The following TUSC3 variants were observed in gnomAD, a reference collection of about 807,000 sequenced individuals.
The protein encoded by TUSC3 is tumor suppressor candidate 3, also known as dolichyl-diphosphooligosaccharide--protein glycosyltransferase subunit TUSC3.
A neutral mutation model predicts 44.8 loss-of-function variants in TUSC3; 45 were observed. The observed-to-expected ratio is 1.00, with a 90% CI of 0.79 to 1.29. The LOEUF (loss-of-function observed/expected upper bound fraction) is 1.29. TUSC3 is among the 50% of genes most tolerant of loss of function. The pLI is 0.00. For synonymous variants in TUSC3, 212 were observed against 152.9 expected (o/e 1.39, Z -2.85); for missense variants, 519 against 437.9 (o/e 1.19, Z -1.65).
At chr8:15,609,727 A>G (rs1804682561) in intron 1 of TUSC3, among the ~76,000 whole-genome samples, 1 of 151,770 alleles carries the variant, frequency 6.6e-6, no homozygotes, top group African/African-American at 2.4e-5. Context: ...TTTTAGTGAA[A>G]AATTGTCAGG....
intron 2 of TUSC3, among the ~76,000 whole-genome samples, chr8:15,491,002 G>T (rs1800800976): frequency 6.6e-6 from 1 of 152,196 alleles, no homozygotes; most frequent in Admixed American, 6.6e-5. Flanking sequence ...GAAAAGAGAG[G>T]ACATACGGTT....
intron 1 of TUSC3, among the ~76,000 whole-genome samples, chr8:15,604,839 C>A (rs62504259): frequency 0.13 from 19,650 of 151,746 alleles, 1,642 homozygotes; most frequent in Non-Finnish European, 0.19. Context: ...AGAGAATCTC[C>A]AAACTTTATC....
intron 6 of TUSC3, among the ~76,000 whole-genome samples, chr8:15,697,671 A>C (rs73197135): frequency 0.17 from 25,823 of 152,140 alleles, 2,192 homozygotes; most frequent in East Asian, 0.22. Context: ...GACCAGACCT[A>C]ATGGGTTATG....
At chr8:15,601,701 G>C (rs773149828) in intron 1 of TUSC3, among the ~76,000 whole-genome samples, 1 of 151,580 alleles carries the variant, frequency 6.6e-6, no homozygotes, top group Admixed American at 6.6e-5. Context: ...AATCTTAGGA[G>C]GCTGGGAAGG....
intron 2 of TUSC3, among the ~76,000 whole-genome samples, chr8:15,638,950 A>G (rs1418084009): frequency 6.7e-6 from 1 of 149,826 alleles, no homozygotes; most frequent in Non-Finnish European, 1.5e-5. Context: ...TCAGAGCTTC[A>G]GTGATGATGA....
At chr8:15,702,472 A>G (rs948855787) in intron 6 of TUSC3, among the ~76,000 whole-genome samples, 4 of 152,150 alleles carry the variant, frequency 2.6e-5, no homozygotes, top group Non-Finnish European at 5.9e-5. Context: ...ATCTCATGGT[A>G]TAAATACCTT....
At chr8:15,679,365 A>G (rs1376261547) in intron 6 of TUSC3, among the ~76,000 whole-genome samples, 1 of 152,008 alleles carries the variant, frequency 6.6e-6, no homozygotes, top group Non-Finnish European at 1.5e-5. Context: ...AGTGTTGATG[A>G]GCATTTTTTC....
the TUSC3 span, among the ~76,000 whole-genome samples, chr8:15,821,358 C>CCTT: frequency 3.6e-5 from 1 of 28,134 alleles, no homozygotes; most frequent in Non-Finnish European, 9.9e-5. Flanking sequence ...TGTATCTAGG[C>CCTT]ATTTTTTTTT....
chr8:15,776,224 G>A, the TUSC3 span, among the ~76,000 whole-genome samples: 111 of 152,010 alleles, frequency 7.3e-4, no homozygotes, highest in African/African-American at 2.6e-3. Context: ...AAAATACGTG[G>A]GGCCTCAGTT....
At chr8:15,568,829 T>G (rs1189506226) in intron 1 of TUSC3, among the ~76,000 whole-genome samples, 1 of 152,152 alleles carries the variant, frequency 6.6e-6, no homozygotes, top group African/African-American at 2.4e-5. Flanking sequence ...TTGTCATGTA[T>G]TTTCACACTT....
chr8:15,674,429 T>C (rs1808091733), intron 6 of TUSC3, among the ~76,000 whole-genome samples: 1 of 152,004 alleles, frequency 6.6e-6, no homozygotes, highest in Non-Finnish European at 1.5e-5. Flanking sequence ...CATACTGTCT[T>C]TGAGACAGTA....
intron 1 of TUSC3, among the ~76,000 whole-genome samples, chr8:15,473,556 C>T (rs572444607): frequency 1.1e-4 from 16 of 152,246 alleles, no homozygotes; most frequent in South Asian, 2.1e-4. Context: ...CCATAAGTGT[C>T]GGCTGGCTGA....
At chr8:15,614,004 G>T (rs897731383) in intron 1 of TUSC3, among the ~76,000 whole-genome samples, 2 of 119,036 alleles carry the variant, frequency 1.7e-5, no homozygotes, top group Admixed American at 9.0e-5. Flanking sequence ...TGAAGCTTCT[G>T]GTGTTTTGTT....
intron 6 of TUSC3, among the ~76,000 whole-genome samples, chr8:15,696,408 A>C (rs1456365473): frequency 6.6e-6 from 1 of 152,168 alleles, no homozygotes; most frequent in Non-Finnish European, 1.5e-5. Flanking sequence ...GTATGGAAAC[A>C]CCTGGATGTC....
At chr8:15,639,216 T>C (rs1440330032) in intron 2 of TUSC3, among the ~76,000 whole-genome samples, 1 of 151,876 alleles carries the variant, frequency 6.6e-6, no homozygotes, top group Non-Finnish European at 1.5e-5. Flanking sequence ...CATGTGTTGA[T>C]GCTAGATCAC....
At chr8:15,446,404 C>T (rs527785891) in intron 1 of TUSC3, among the ~76,000 whole-genome samples, 3 of 152,060 alleles carry the variant, frequency 2.0e-5, no homozygotes, top group Non-Finnish European at 4.4e-5. Context: ...TGTAGCGAGT[C>T]GAGATCACGC....
the TUSC3 span, among the ~76,000 whole-genome samples, chr8:15,798,278 A>G: frequency 1.3e-5 from 2 of 152,196 alleles, no homozygotes; most frequent in African/African-American, 4.8e-5. Context: ...CACTTCCCCA[A>G]CCTCATGAGC....
At chr8:15,751,236 G>A (rs181532059) in intron 9 of TUSC3, among the ~76,000 whole-genome samples, 1 of 152,176 alleles carries the variant, frequency 6.6e-6, no homozygotes, top group Non-Finnish European at 1.5e-5. Context: ...ATATGGAGAA[G>A]CAAGGAAGAC....
chr8:15,518,615 A>G (rs527786800), intron 2 of TUSC3, among the ~76,000 whole-genome samples: 1 of 152,112 alleles, frequency 6.6e-6, no homozygotes, highest in South Asian at 2.1e-4. Context: ...TTTCCATAGG[A>G]TTATAGACAT....
Sources: allele counts gnomAD v4.1 joint callset (sites outside exome capture counted in the v4.1 genomes callset), GRCh38; gene constraint gnomAD v4.1.1; transcripts MANE v1.5; gene names NCBI Gene and HGNC (gene_info 2026-07-23, HGNC 2026-07-21).